Variants in GHR observed in about 807,000 individuals in gnomAD.
GHR encodes the protein GH receptor.
Under a neutral mutation model 67.1 loss-of-function variants are expected in GHR, and 35 were observed. The observed-to-expected ratio is 0.52, with a 90% CI of 0.40 to 0.69. GHR has a LOEUF of 0.69. Among genes scored for constraint, GHR ranks in the 30% least tolerant of loss-of-function variants. The pLI, the probability that GHR is intolerant of heterozygous loss-of-function variation, is 0.00. For missense variants in GHR, 792 were observed against 764.6 expected, an observed-to-expected ratio of 1.04 and a Z score of -0.42; for synonymous variants, 272 against 269.1, an observed-to-expected ratio of 1.01 and a Z score of -0.10.
rs547540770 is a variant in GHR, at chr5:42,679,167, A to G, written c.137-9723A>G. ...ATATATTGTATATTATATATTAATTAATATATTATATATTGTATATTATAT... is the reference window on the plus strand; with the variant it reads ...ATATATTGTATATTATATATTAATTGATATATTATATATTGTATATTATAT... On this transcript the variant is annotated intron_variant, in intron 3 of 9. Transcript: ENST00000230882. Among the ~76,000 whole-genome samples, 264 of 145,656 alleles carry G rather than the reference A, an allele frequency of 1.8e-3. 2 individuals carry two copies. The highest frequency in any genetic ancestry group is 6.3e-3 in the African/African-American group (252 of 40,184).
At position 42,629,059 on chromosome 5, in the gene GHR, G is replaced by A. The variant is rs779840197; in HGVS notation, c.92G>A (p.Arg31Lys). 3 of 1,415,766 alleles carry A rather than the reference G, an allele frequency of 2.1e-6. 1 individual carries two copies. The African/African-American group carries it at 5.3e-5, about 25-fold the overall frequency. 87.7% of individuals were successfully genotyped at this position (1,415,766 alleles called of 1,614,324 possible). ...GSEATAAILS[R>K]APWSLQSVNP... ...TCAGCCACAGCAGCTATCCTTAGCA[G>A]AGCACCCTGGAGTCTGCAAAGTGTT... is the stretch of plus-strand genomic sequence containing the variant. Residue 31 changes from arginine (R) to lysine (K), a missense_variant, in exon 3 of 10, where the codon AGA (arginine) becomes AAA (lysine). Transcript: ENST00000230882.
intron 6 of GHR, among the ~76,000 whole-genome samples, chr5:42,702,896 A>G (rs1757998251): frequency 6.6e-6 from 1 of 151,916 alleles, no homozygotes; most frequent in Non-Finnish European, 1.5e-5. Context: ...TCCTTTGCCC[A>G]TTTTTTAATT....
chr5:42,579,140 TGA>T (rs1750988347), intron 2 of GHR, among the ~76,000 whole-genome samples: 1 of 59,888 alleles, frequency 1.7e-5, no homozygotes, highest in Non-Finnish European at 3.5e-5. Flanking sequence ...GATAGATAGA[TGA>T]TAGATAGATA....
Position 42,575,032 on chromosome 5 carries a change from C to T in GHR, c.70+9088C>T, listed in dbSNP as rs79575021. Among the ~76,000 whole-genome samples, 188 of 138,770 alleles carry T rather than the reference C, an allele frequency of 1.4e-3. 3 individuals are homozygous for T. The East Asian group carries it at 0.034, about 25-fold the overall frequency. 91.0% of individuals were successfully genotyped at this position (138,770 alleles called of 152,430 possible). Reference sequence around the variant, plus strand: ...GCTTACTATGATCTGCCTAAGGGTGCATCAAATTCCTCTGGTACTTATCCT... The same window carrying T: ...GCTTACTATGATCTGCCTAAGGGTGTATCAAATTCCTCTGGTACTTATCCT... On this transcript the variant is annotated intron_variant, in intron 2 of 9. Coordinates refer to ENST00000230882, the MANE Select transcript of GHR (RefSeq NM_000163.5).
intron 4 of GHR, 33 bp downstream of exon 4, chr5:42,689,052 C>T (rs1006101293): frequency 1.3e-6 from 2 of 1,594,148 alleles, no homozygotes; most frequent in African/African-American, 2.7e-5. Context: ...ATTTTCCTCT[C>T]CATGGATGTA....
intron 2 of GHR, among the ~76,000 whole-genome samples, chr5:42,621,575 T>C (rs890123448): frequency 6.6e-6 from 1 of 152,158 alleles, no homozygotes; most frequent in African/African-American, 2.4e-5. Flanking sequence ...GAAAAGAAGG[T>C]CTTTATCATT....
At chr5:42,640,854 T>C (rs1214890744) in intron 3 of GHR, among the ~76,000 whole-genome samples, 1 of 152,160 alleles carries the variant, frequency 6.6e-6, no homozygotes, top group Admixed American at 6.5e-5. Context: ...GACCCTCGTT[T>C]GAGAATCCCT....
intron 4 of GHR, among the ~76,000 whole-genome samples, chr5:42,690,562 C>A (rs1757376203): frequency 6.6e-6 from 1 of 152,064 alleles, no homozygotes; most frequent in African/African-American, 2.4e-5. Context: ...TTGTATAAGA[C>A]CATTTATACC....
chr5:42,617,493 T>G (rs1753221721), intron 2 of GHR, among the ~76,000 whole-genome samples: 1 of 151,904 alleles, frequency 6.6e-6, no homozygotes, highest in Non-Finnish European at 1.5e-5. Context: ...AGAAGTATCT[T>G]TGTCAACCTT....
intron 1 of GHR, among the ~76,000 whole-genome samples, chr5:42,480,953 T>C (rs900590227): frequency 6.6e-6 from 1 of 152,218 alleles, no homozygotes; most frequent in Non-Finnish European, 1.5e-5. Flanking sequence ...GTTATTTTGC[T>C]CATTAGTTGA....
intron 2 of GHR, among the ~76,000 whole-genome samples, chr5:42,625,828 A>G (rs1362317009): frequency 6.6e-6 from 1 of 152,036 alleles, no homozygotes; most frequent in Non-Finnish European, 1.5e-5. Flanking sequence ...GAAGGAAGGA[A>G]AACAAAGGGG....
chr5:42,656,081 G>A (rs1489563280), intron 3 of GHR, among the ~76,000 whole-genome samples: 1 of 151,972 alleles, frequency 6.6e-6, no homozygotes, highest in Non-Finnish European at 1.5e-5. Context: ...CAGTCATACA[G>A]AACCTGCAAA....
chr5:42,586,936 G>A (rs1264687113), intron 2 of GHR, among the ~76,000 whole-genome samples: 1 of 151,820 alleles, frequency 6.6e-6, no homozygotes, highest in Non-Finnish European at 1.5e-5. Flanking sequence ...GGGGATAGAG[G>A]GTCAAAATAT....
chr5:42,608,773 C>T (rs1336655927), intron 2 of GHR, among the ~76,000 whole-genome samples: 4 of 152,008 alleles, frequency 2.6e-5, no homozygotes, highest in African/African-American at 9.7e-5. Context: ...ACCACATATT[C>T]TTTATTTTCT....
chr5:42,428,703 A>C (rs1036192714), intron 1 of GHR, among the ~76,000 whole-genome samples: 1 of 152,174 alleles, frequency 6.6e-6, no homozygotes, highest in Non-Finnish European at 1.5e-5. Context: ...GAAAAATGCC[A>C]CCAGTCTCTT....
At chr5:42,455,933 T>C (rs1490236467) in intron 1 of GHR, among the ~76,000 whole-genome samples, 1 of 152,224 alleles carries the variant, frequency 6.6e-6, no homozygotes, top group African/African-American at 2.4e-5. Flanking sequence ...AGCTGCAGTT[T>C]CCTCATCTAC....
chr5:42,487,785 T>C (rs1194409400), intron 1 of GHR, among the ~76,000 whole-genome samples: 2 of 152,224 alleles, frequency 1.3e-5, no homozygotes, highest in Non-Finnish European at 2.9e-5. Context: ...TGGAATTGTA[T>C]TTAAAATACT....
At chr5:42,485,972 G>A (rs1483692036) in intron 1 of GHR, among the ~76,000 whole-genome samples, 3 of 152,164 alleles carry the variant, frequency 2.0e-5, no homozygotes, top group Non-Finnish European at 4.4e-5. Flanking sequence ...AGAAGATTTA[G>A]ATCAGTAGTT....
At chr5:42,577,548 C>A (rs1750821651) in intron 2 of GHR, among the ~76,000 whole-genome samples, 1 of 152,100 alleles carries the variant, frequency 6.6e-6, no homozygotes, top group Non-Finnish European at 1.5e-5. Context: ...ATTCATGTAC[C>A]ATTTTCTCAA....
Sources: gnomAD v4.1 joint callset for allele counts (sites outside exome capture counted in the v4.1 genomes callset) on GRCh38, gnomAD v4.1.1 for gene constraint, MANE v1.5 for transcripts, NCBI Gene and HGNC (gene_info 2026-07-23, HGNC 2026-07-21) for gene names.